Variants in SNX27 observed in about 807,000 individuals in gnomAD.
SNX27 encodes the protein sorting nexin-27.
SNX27 carries 22 observed loss-of-function variants against 71.6 expected under a neutral mutation model. The ratio of observed to expected loss-of-function variants is 0.31; its 90% CI spans 0.22 to 0.44. The LOEUF (loss-of-function observed/expected upper bound fraction) is 0.44. Ranked by LOEUF, SNX27 falls within the 20% of genes least tolerant of loss-of-function variation. The pLI is 1.00. For synonymous variants in SNX27, 269 were observed against 277.2 expected, an observed-to-expected ratio of 0.97 and a Z score of 0.29; for missense variants, 531 against 698.6, an observed-to-expected ratio of 0.76 and a Z score of 2.70.
chr1:151,654,833 C>T (rs968079031), intron 2 of SNX27, among the ~76,000 whole-genome samples: 9 of 152,240 alleles, frequency 5.9e-5, no homozygotes, highest in Non-Finnish European at 7.4e-5. Context: ...ACATTAATCA[C>T]GAGAGTTTTG....
chr1:151,674,961 C>A (rs890903507), intron 7 of SNX27, among the ~76,000 whole-genome samples: 1 of 152,166 alleles, frequency 6.6e-6, no homozygotes, highest in African/African-American at 2.4e-5. Context: ...GCTGGGATTA[C>A]AGGTGTGAGC....
chr1:151,628,882 T>C lies in SNX27; in HGVS notation c.312-10006T>C, dbSNP rs1353371251. ...GCTCTTTGTATATTTTGGATACAAG[T>C]GTTTTATCAGATGTGTGTTTTGCAA... On this transcript the variant is annotated intron_variant, in intron 1 of 11. Transcript: ENST00000458013. Among the ~76,000 whole-genome samples, 4 of 152,216 alleles carry C rather than the reference T, an allele frequency of 2.6e-5. No homozygotes were observed. The East Asian group carries it at 7.7e-4, about 29-fold the overall frequency.
rs552958992 is a variant in SNX27 at position 151,661,941 on chromosome 1, C to T, written c.802-225C>T. Among the ~76,000 whole-genome samples, 7 of 152,328 alleles carry T rather than the reference C, an allele frequency of 4.6e-5. No individual in the cohort carries two copies. The South Asian group carries it at 1.2e-3, about 27-fold the overall frequency. On this transcript the variant is annotated intron_variant, in intron 4 of 11. Coordinates refer to ENST00000458013, the MANE Select transcript of SNX27 (RefSeq NM_001330723.2). The stretch of plus-strand genomic sequence containing the variant: ...AGTTTCCTGTTTTGAAATGTGAACA[C>T]GTTGGCTTCAACATGTTTCTTTCCT...
In SNX27 at chr1:151,665,915, T is replaced by C; in HGVS notation, c.907-18T>C. 1 of 1,585,438 alleles carries C rather than the reference T, an allele frequency of 6.3e-7. No homozygotes were observed. Among genetic ancestry groups the C allele is most frequent in the Non-Finnish European group, 8.6e-7 (1 of 1,161,142 alleles). On this transcript the variant is annotated intron_variant, in intron 5 of 11. Coordinates refer to ENST00000458013, the MANE Select transcript of SNX27 (RefSeq NM_001330723.2). ...TGACTTAATTTTCTTGAAACCAATC[T>C]ATCCTGTTTAACCTTAGGCTATCGC...
rs1308137 is a variant in SNX27, at chr1:151,695,819, A to C, written c.*1402A>C. On this transcript the variant is annotated 3_prime_UTR_variant, in exon 12 of 12. Coordinates refer to ENST00000458013, the MANE Select transcript of SNX27 (RefSeq NM_001330723.2). ...ACTTACATAGAGGAAAGAAAGCAAG[A>C]AATGCCCTATGTACATGAGGTTTTA... 64,521 of 151,994 alleles carry C rather than the reference A, an allele frequency of 0.42. 14,718 individuals carry two copies. Among genetic ancestry groups the C allele is most frequent in the East Asian group, 0.62 (3,182 of 5,158 alleles). The allele number at this position is 151,994 out of a possible 1,614,324, so 9.4% of individuals were successfully genotyped here. A position where few individuals can be genotyped will look rare whatever the true frequency, so the allele number is the denominator to read the frequency against.
chr1:151,693,899 G>A, intron 11 of SNX27: 2 of 1,384,348 alleles, frequency 1.4e-6, no homozygotes, highest in South Asian at 1.8e-5. Flanking sequence ...GTGAGGGAAG[G>A]TGTTTGCTGT....
rs971586344 is a variant in SNX27, at chr1:151,693,641, C to T, written c.1578+158C>T. The T allele has an allele frequency of 7.4e-6, 12 of 1,613,228 alleles. No homozygotes were observed. The African/African-American group carries it at 1.5e-4, about 20-fold the overall frequency. On this transcript the variant is annotated intron_variant, in intron 11 of 11. Coordinates refer to ENST00000458013, the MANE Select transcript of SNX27 (RefSeq NM_001330723.2). ...TCTCATGTGAGCCAGGACATTCTTC[C>T]AGCAAGGTTGGCCTCTGGATGGTGA...
intron 1 of SNX27, among the ~76,000 whole-genome samples, chr1:151,623,153 T>TATA (rs1667752548): frequency 1.3e-5 from 2 of 150,124 alleles, no homozygotes; most frequent in East Asian, 3.9e-4. Context: ...ATATATATAT[T>TATA]TTTTTTTTGA....
At chr1:151,654,617 A>G (rs544202536) in intron 2 of SNX27, among the ~76,000 whole-genome samples, 1 of 152,212 alleles carries the variant, frequency 6.6e-6, no homozygotes, top group South Asian at 2.1e-4. Flanking sequence ...AGAATAACAC[A>G]GATTGTAGGT....
chr1:151,660,931 A>G, intron 4 of SNX27, 69 bp downstream of exon 4: 2 of 1,157,894 alleles, frequency 1.7e-6, no homozygotes, highest in Non-Finnish European at 2.6e-6. Flanking sequence ...AGTTAAAGGT[A>G]TTGATTATGC....
At chr1:151,693,595 ATAT>A in intron 11 of SNX27, 112 bp downstream of exon 11, 1 of 1,614,002 alleles carries the variant, frequency 6.2e-7, no homozygotes, top group Non-Finnish European at 8.5e-7. Context: ...CTTTCTAGGA[ATAT>A]TAGTTAGAGA....
chr1:151,617,070 T>G (rs1667454514), intron 1 of SNX27, among the ~76,000 whole-genome samples: 1 of 152,150 alleles, frequency 6.6e-6, no homozygotes, highest in African/African-American at 2.4e-5. Context: ...ATTGTTAGGC[T>G]CTCGAATTCC....
At chr1:151,692,833 G>C in intron 9 of SNX27, 78 bp from the exon 10 acceptor site, 1 of 1,583,842 alleles carries the variant, frequency 6.3e-7, no homozygotes, top group Non-Finnish European at 8.6e-7. Flanking sequence ...TCTGTCTCCT[G>C]GTTCAGAACC....
At chr1:151,642,263 T>C (rs1668812894) in intron 2 of SNX27, among the ~76,000 whole-genome samples, 1 of 151,764 alleles carries the variant, frequency 6.6e-6, no homozygotes, top group South Asian at 2.1e-4. Context: ...GGCAGGAGCC[T>C]GTAATCCCAG....
intron 1 of SNX27, among the ~76,000 whole-genome samples, chr1:151,627,479 T>TA (rs1667997056): frequency 6.6e-6 from 1 of 152,258 alleles, no homozygotes; most frequent in African/African-American, 2.4e-5. Context: ...TTTTTAAAAA[T>TA]ACCTTTGAAA....
rs555481981 is a variant in SNX27, at chr1:151,618,033, C to CT, written c.311+5536dup. Among the ~76,000 whole-genome samples, 841 of 137,006 alleles carry CT rather than the reference C, an allele frequency of 6.1e-3. 6 individuals are homozygous for CT. The highest frequency in any genetic ancestry group is 0.017 in the African/African-American group (629 of 37,626). The allele number at this position is 137,006 out of a possible 152,430, so 89.9% of individuals were successfully genotyped here. On this transcript the variant is annotated intron_variant, in intron 1 of 11. Transcript: ENST00000458013. ...ACCACACCTGGCTAATTTTTTTGTA[C>CT]TTTTTTTTTTTTTTTGTAGAGATGG...
intron 2 of SNX27, among the ~76,000 whole-genome samples, chr1:151,643,949 T>C (rs1668906858): frequency 6.6e-6 from 1 of 152,226 alleles, no homozygotes; most frequent in African/African-American, 2.4e-5. Flanking sequence ...CTTGAGCCAC[T>C]GCGCCTGGCC....
rs112179090 is a variant in SNX27 at position 151,643,262 on chromosome 1, C to G, written c.543+4143C>G. On this transcript the variant is annotated intron_variant, in intron 2 of 11. Transcript: ENST00000458013. Reference sequence around the variant, plus strand: ...TACAGGCATGAGCAACCACGCCTGGCCTTTTATTTATTTATTTATTTATTT... The same window carrying G: ...TACAGGCATGAGCAACCACGCCTGGGCTTTTATTTATTTATTTATTTATTT... Among the ~76,000 whole-genome samples the G allele has an allele frequency of 2.4e-3, 291 of 123,140 alleles. 2 individuals carry two copies. The highest frequency in any genetic ancestry group is 7.9e-3 in the African/African-American group (272 of 34,306). The allele number at this position is 123,140 out of a possible 152,430, so 80.8% of individuals were successfully genotyped here. A position where few individuals can be genotyped will look rare whatever the true frequency, so the allele number is the denominator to read the frequency against.
intron 4 of SNX27, 57 bp from the exon 5 acceptor site, chr1:151,662,109 C>T: frequency 8.2e-7 from 1 of 1,225,412 alleles, no homozygotes; most frequent in Non-Finnish European, 1.2e-6. Context: ...TAGCTTGTTA[C>T]AGGGAGAGTG....
Sources: gnomAD v4.1 joint callset for allele counts (sites outside exome capture counted in the v4.1 genomes callset) on GRCh38, gnomAD v4.1.1 for gene constraint, MANE v1.5 for transcripts, NCBI Gene and HGNC (gene_info 2026-07-23, HGNC 2026-07-21) for gene names.